The following KDM4C variants were observed in gnomAD, a reference collection of about 807,000 sequenced individuals.
KDM4C encodes the protein lysine-specific demethylase 4C.
In KDM4C, 81 loss-of-function variants were observed where a neutral mutation model predicts 129.3. The observed-to-expected ratio is 0.63, with a 90% confidence interval of 0.52 to 0.75. The LOEUF (loss-of-function observed/expected upper bound fraction) is 0.75, where lower values mean the gene tolerates loss of function less well. Ranked by LOEUF, KDM4C falls within the 30% of genes least tolerant of loss-of-function variation. The probability of loss-of-function intolerance (pLI) is 0.00; values close to 1 mark genes in which losing one functional copy is unlikely to be tolerated. For missense variants in KDM4C, 1,457 were observed against 1,304.0 expected (o/e 1.12, Z -1.81); for synonymous variants, 573 against 456.1 (o/e 1.26, Z -3.26).
intron 4 of KDM4C, among the ~76,000 whole-genome samples, chr9:6,833,082 G>T (rs555797067): frequency 4.6e-5 from 7 of 152,006 alleles, no homozygotes; most frequent in African/African-American, 9.7e-5. Flanking sequence ...ATATGTAAAG[G>T]TACCTTGATG....
chr9:6,833,604 C>T (rs1383194715), intron 4 of KDM4C, among the ~76,000 whole-genome samples: 1 of 152,158 alleles, frequency 6.6e-6, no homozygotes, highest in Non-Finnish European at 1.5e-5. Context: ...ATTTATAAAA[C>T]AGTGTTGATA....
intron 18 of KDM4C, among the ~76,000 whole-genome samples, chr9:7,114,481 A>G (rs1838674479): frequency 6.6e-6 from 1 of 152,262 alleles, no homozygotes; most frequent in Admixed American, 6.5e-5. Context: ...CATTTTCATT[A>G]GTAAAACTTA....
chr9:6,757,944 C>G (rs543572640), upstream of KDM4C: 83 of 985,404 alleles, frequency 8.4e-5, 1 homozygote, highest in East Asian at 7.9e-3. Context: ...CCAGCGGTCA[C>G]GTGACGGCGC....
intron 5 of KDM4C, among the ~76,000 whole-genome samples, chr9:6,871,253 A>G (rs985598835): frequency 3.9e-5 from 6 of 152,174 alleles, no homozygotes; most frequent in Non-Finnish European, 4.4e-5. Flanking sequence ...ATAAGTATAG[A>G]TTTACTTACT....
intron 6 of KDM4C, among the ~76,000 whole-genome samples, chr9:6,883,802 A>G (rs1417292): frequency 6.6e-6 from 1 of 151,706 alleles, no homozygotes; most frequent in African/African-American, 2.4e-5. Context: ...AACTCTGACC[A>G]GTTTGATCCC....
chr9:7,001,119 C>G (rs565222126), intron 12 of KDM4C, among the ~76,000 whole-genome samples: 1 of 152,254 alleles, frequency 6.6e-6, no homozygotes, highest in Admixed American at 6.5e-5. Flanking sequence ...GTCCTTTTCC[C>G]TTTTGGAGGT....
chr9:7,113,968 G>A (rs1043336967), intron 18 of KDM4C, among the ~76,000 whole-genome samples: 6 of 152,090 alleles, frequency 3.9e-5, no homozygotes, highest in African/African-American at 1.2e-4. Context: ...CTGAAGTCCC[G>A]TTGAGAGACT....
intron 8 of KDM4C, among the ~76,000 whole-genome samples, chr9:6,963,773 G>C (rs1257600460): frequency 6.6e-6 from 1 of 152,112 alleles, no homozygotes; most frequent in East Asian, 1.9e-4. Flanking sequence ...AGTCTTCTTA[G>C]ACTACCTCAA....
At chr9:6,935,382 T>G (rs997486818) in intron 8 of KDM4C, among the ~76,000 whole-genome samples, 1 of 152,142 alleles carries the variant, frequency 6.6e-6, no homozygotes, top group Admixed American at 6.5e-5. Context: ...TCACATATTT[T>G]TTAGCTACAG....
intron 3 of KDM4C, among the ~76,000 whole-genome samples, chr9:6,806,096 G>A (rs537626583): frequency 6.6e-6 from 1 of 152,266 alleles, no homozygotes; most frequent in Admixed American, 6.5e-5. Context: ...TAATGTTTAA[G>A]CCTTAAATGA....
intron 5 of KDM4C, among the ~76,000 whole-genome samples, chr9:6,865,424 G>A (rs543527796): frequency 7.2e-5 from 11 of 152,190 alleles, no homozygotes; most frequent in Admixed American, 6.5e-5. Context: ...ATATAGCTAT[G>A]TTATTAGGGC....
chr9:7,173,076 C>G (rs1180113980), intron 21 of KDM4C, among the ~76,000 whole-genome samples: 1 of 152,228 alleles, frequency 6.6e-6, no homozygotes, highest in Non-Finnish European at 1.5e-5. Context: ...CTGTGGGGAA[C>G]ACATGTAAAA....
At chr9:7,051,931 C>G (rs540888091) in intron 17 of KDM4C, among the ~76,000 whole-genome samples, 233 of 152,258 alleles carry the variant, frequency 1.5e-3, no homozygotes, top group African/African-American at 5.4e-3. Context: ...TCATGTGCAT[C>G]ATAGGATTCC....
chr9:6,745,462 T>C lies in KDM4C; in HGVS notation c.49+24465T>C, dbSNP rs149211974. Among the ~76,000 whole-genome samples, 761 of 151,674 alleles carry C rather than the reference T, an allele frequency of 5.0e-3. 5 individuals are homozygous for C. Among genetic ancestry groups the C allele is most frequent in the Non-Finnish European group, 8.9e-3 (603 of 67,922 alleles). On this transcript the variant is annotated intron_variant, in intron 1 of 17. Transcript: ENST00000536108. ...AAAAATAAAAAATTCGCTGGTGTGC[T>C]GTTGTGTGCCTGTAGTCCCAGCTAC...
chr9:6,895,356 T>G (rs1816231952), intron 8 of KDM4C, among the ~76,000 whole-genome samples: 1 of 152,228 alleles, frequency 6.6e-6, no homozygotes, highest in South Asian at 2.1e-4. Flanking sequence ...TCCTCACAGT[T>G]GTAAGACTAA....
chr9:6,929,378 A>G (rs1427877157), intron 8 of KDM4C, among the ~76,000 whole-genome samples: 1 of 151,360 alleles, frequency 6.6e-6, no homozygotes. Flanking sequence ...AATTGTGTTT[A>G]TTCTTCCATT....
At chr9:6,813,089 C>A (rs1198398855) in intron 3 of KDM4C, among the ~76,000 whole-genome samples, 1 of 152,106 alleles carries the variant, frequency 6.6e-6, no homozygotes, top group East Asian at 1.9e-4. Flanking sequence ...GCAGGAGAAT[C>A]CCTTGAACCT....
intron 19 of KDM4C, among the ~76,000 whole-genome samples, chr9:7,138,998 G>C (rs577884603): frequency 1.3e-5 from 2 of 151,956 alleles, no homozygotes; most frequent in African/African-American, 4.8e-5. Context: ...TAGGCCAGGC[G>C]CAGTGGCTGA....
chr9:7,083,708 CT>C (rs1834796888), intron 17 of KDM4C, among the ~76,000 whole-genome samples: 1 of 68,872 alleles, frequency 1.5e-5, no homozygotes, highest in African/African-American at 6.6e-5. Context: ...TAGCACATGA[CT>C]GATGTGTGTG....
Sources: gnomAD v4.1 joint callset for allele counts (sites outside exome capture counted in the v4.1 genomes callset) on GRCh38, gnomAD v4.1.1 for gene constraint, MANE v1.5 for transcripts, NCBI Gene and HGNC (gene_info 2026-07-23, HGNC 2026-07-21) for gene names.